SGPP2: variants seen among roughly 807,000 people sequenced by gnomAD.
The protein encoded by SGPP2 is sphingosine 1-phosphate phosphohydrolase 2.
In SGPP2, 30 loss-of-function variants were observed where a neutral mutation model predicts 33.9. That is an observed-to-expected ratio of 0.89 (90% confidence interval 0.66 to 1.20). The LOEUF is 1.20. Ranked by LOEUF, SGPP2 falls within the 50% of genes most tolerant of loss-of-function variation. The pLI is 0.00. For missense variants in SGPP2, 458 were observed against 532.1 expected (o/e 0.86, Z 1.37); for synonymous variants, 233 against 225.0 (o/e 1.04, Z -0.32).
At chr2:222,458,099 G>A (rs557229281) in intron 1 of SGPP2, among the ~76,000 whole-genome samples, 19 of 152,202 alleles carry the variant, frequency 1.2e-4, no homozygotes, top group African/African-American at 3.4e-4. Context: ...GACTCAGCCC[G>A]AAGTGCAGTG....
At chr2:222,436,231 G>A (rs937803509) in intron 1 of SGPP2, among the ~76,000 whole-genome samples, 3 of 152,152 alleles carry the variant, frequency 2.0e-5, no homozygotes, top group African/African-American at 7.2e-5. Context: ...CCTAGTGGCA[G>A]CGTTCCCCAC....
At chr2:222,467,310 C>T (rs1471231790) in intron 1 of SGPP2, among the ~76,000 whole-genome samples, 3 of 152,176 alleles carry the variant, frequency 2.0e-5, no homozygotes, top group African/African-American at 7.2e-5. Flanking sequence ...ACTGCTACCA[C>T]CCCCACCATC....
chr2:222,486,144 G>A (rs1054647235), intron 2 of SGPP2, among the ~76,000 whole-genome samples: 2 of 152,068 alleles, frequency 1.3e-5, no homozygotes, highest in Admixed American at 6.6e-5. Flanking sequence ...TGGGCTGCAC[G>A]GTGGCAGGGA....
chr2:222,528,448 T>A (rs898221099), intron 4 of SGPP2, among the ~76,000 whole-genome samples: 1 of 152,058 alleles, frequency 6.6e-6, no homozygotes, highest in South Asian at 2.1e-4. Context: ...AAAAGCAATG[T>A]ACATATAATA....
chr2:222,432,096 T>C (rs1382823709), intron 1 of SGPP2, among the ~76,000 whole-genome samples: 2 of 152,234 alleles, frequency 1.3e-5, no homozygotes, highest in Non-Finnish European at 2.9e-5. Context: ...TAGCAGTCAA[T>C]TTCATCCCGT....
In SGPP2 at chr2:222,562,357, C is replaced by T. The variant is rs1028427624; in HGVS notation, c.*3459C>T. On this transcript the variant is annotated 3_prime_UTR_variant, in exon 5 of 5. Coordinates refer to ENST00000321276, the MANE Select transcript of SGPP2 (RefSeq NM_152386.4). The stretch of plus-strand genomic sequence containing the variant: ...CAGAAGATGAAAACGTAGAAGACAC[C>T]CCTGAATTAAAAACACTTACATAGC... 6.6e-6 allele frequency among the ~76,000 whole-genome samples: 1 copy of T among 152,118 alleles called. No homozygotes were observed. The highest frequency in any genetic ancestry group is 2.4e-5 in the African/African-American group (1 of 41,412).
intron 2 of SGPP2, among the ~76,000 whole-genome samples, chr2:222,482,565 T>C (rs1698045006): frequency 1.4e-5 from 2 of 145,496 alleles, no homozygotes; most frequent in Non-Finnish European, 3.0e-5. Flanking sequence ...CCTGGCTTAG[T>C]TGGGGGTCTC....
At chr2:222,507,582 G>A (rs2106122736) in intron 2 of SGPP2, among the ~76,000 whole-genome samples, 1 of 152,226 alleles carries the variant, frequency 6.6e-6, no homozygotes, top group East Asian at 1.9e-4. Context: ...TAGTAGAAAA[G>A]GGTTTTCTTA....
chr2:222,537,395 C>A (rs1367436313), intron 4 of SGPP2, among the ~76,000 whole-genome samples: 1 of 152,126 alleles, frequency 6.6e-6, no homozygotes, highest in Non-Finnish European at 1.5e-5. Context: ...AAAAGCCCAG[C>A]ATTCCAGTGG....
At chr2:222,436,079 A>C (rs1373821533) in intron 1 of SGPP2, among the ~76,000 whole-genome samples, 1 of 152,200 alleles carries the variant, frequency 6.6e-6, no homozygotes, top group East Asian at 1.9e-4. Context: ...TCTGTTGTGA[A>C]GTATCATCTT....
chr2:222,440,734 C>T (rs1476146164), intron 1 of SGPP2, among the ~76,000 whole-genome samples: 1 of 152,076 alleles, frequency 6.6e-6, no homozygotes, highest in Non-Finnish European at 1.5e-5. Flanking sequence ...ATTAGGACAA[C>T]TTCAGTCTCT....
At chr2:222,554,594 A>G (rs1440665478) in intron 4 of SGPP2, among the ~76,000 whole-genome samples, 2 of 152,316 alleles carry the variant, frequency 1.3e-5, no homozygotes, top group East Asian at 3.9e-4. Context: ...TTTTGCATTC[A>G]TATGATTAAT....
At chr2:222,508,948 A>G (rs1463897968) in intron 2 of SGPP2, among the ~76,000 whole-genome samples, 1 of 152,196 alleles carries the variant, frequency 6.6e-6, no homozygotes, top group Non-Finnish European at 1.5e-5. Context: ...AAAGCTCTGA[A>G]TTTAAAAAAT....
chr2:222,472,711 C>G (rs1352194095), intron 1 of SGPP2, among the ~76,000 whole-genome samples: 1 of 152,194 alleles, frequency 6.6e-6, no homozygotes, highest in Admixed American at 6.5e-5. Flanking sequence ...CATCCCCCAA[C>G]AGGGAGCAGA....
intron 4 of SGPP2, among the ~76,000 whole-genome samples, chr2:222,532,716 C>T (rs1698856538): frequency 6.6e-6 from 1 of 152,170 alleles, no homozygotes; most frequent in African/African-American, 2.4e-5. Flanking sequence ...AAATTATTTC[C>T]AAATCTGATT....
At chr2:222,480,328 C>T (rs1698010055) in intron 2 of SGPP2, among the ~76,000 whole-genome samples, 1 of 152,188 alleles carries the variant, frequency 6.6e-6, no homozygotes, top group South Asian at 2.1e-4. Flanking sequence ...AGTTTGGAAG[C>T]CTCATTTTCT....
chr2:222,479,756 G>T (rs1223893710), intron 2 of SGPP2, among the ~76,000 whole-genome samples: 2 of 152,096 alleles, frequency 1.3e-5, no homozygotes, highest in Non-Finnish European at 1.5e-5. Context: ...ATTGGAACGC[G>T]AAGCTTGTGG....
intron 1 of SGPP2, among the ~76,000 whole-genome samples, chr2:222,450,798 A>C (rs1199989843): frequency 6.6e-6 from 1 of 152,208 alleles, no homozygotes; most frequent in Admixed American, 6.5e-5. Flanking sequence ...TTTGAGAGAA[A>C]GACAGGAAGA....
intron 1 of SGPP2, among the ~76,000 whole-genome samples, chr2:222,456,340 C>T (rs534734721): frequency 1.4e-4 from 21 of 152,216 alleles, no homozygotes; most frequent in African/African-American, 4.6e-4. Context: ...TGTATTGCAC[C>T]GTCCATATTG....
Sources: allele counts gnomAD v4.1 joint callset (sites outside exome capture counted in the v4.1 genomes callset), GRCh38; gene constraint gnomAD v4.1.1; transcripts MANE v1.5; gene names NCBI Gene and HGNC (gene_info 2026-07-23, HGNC 2026-07-21).